Variants in ZNF440 observed in about 807,000 individuals in gnomAD.
ZNF440 encodes the protein zinc finger protein 440.
A neutral mutation model predicts 49.7 loss-of-function variants in ZNF440; 47 were observed. The observed-to-expected ratio is 0.95, with a 90% CI of 0.75 to 1.21. ZNF440 has a LOEUF of 1.21. ZNF440 is among the 50% of genes most tolerant of loss of function. The pLI, the probability that ZNF440 is intolerant of heterozygous loss-of-function variation, is 0.00. For synonymous variants in ZNF440, 255 were observed against 237.7 expected (o/e 1.07, Z -0.67); for missense variants, 703 against 715.0 (o/e 0.98, Z 0.19).
In ZNF440 at chr19:11,834,726, G is replaced by A. The variant is rs1309277325; in HGVS notation, c.*1762G>A. 1.3e-5 allele frequency: 2 copies of A among 152,344 alleles called. No homozygotes were observed. Among genetic ancestry groups the A allele is most frequent in the South Asian group, 2.1e-4 (1 of 4,832 alleles). 9.4% of individuals were successfully genotyped at this position (152,344 alleles called of 1,614,324 possible). On this transcript the variant is annotated 3_prime_UTR_variant, in exon 4 of 4. Coordinates refer to ENST00000304060, the MANE Select transcript of ZNF440 (RefSeq NM_152357.3). ...TGTCCTGATTCATCATGGTCACTGA[G>A]GAGCATCGTCTCATATGCCTGGTAT...
At chr19:11,827,120 G>C (rs1975876506) in intron 1 of ZNF440, among the ~76,000 whole-genome samples, 1 of 150,100 alleles carries the variant, frequency 6.7e-6, no homozygotes, top group Non-Finnish European at 1.5e-5. Flanking sequence ...CTGGAGGGCA[G>C]TGGCGTAATC....
Position 11,830,405 on chromosome 19 carries a change from T to C in ZNF440, c.126T>C (p.Ser42=), listed in dbSNP as rs1380567204. 1 of 1,614,076 alleles carries C rather than the reference T, an allele frequency of 6.2e-7. No homozygotes were observed. The highest frequency in any genetic ancestry group is 8.5e-7 in the Non-Finnish European group (1 of 1,179,990). ...TGGAAACTTTCAGGAACCTGACCTC[T>C]TTAGGTAAGGATGACAATATTCCTT... ...VMLETFRNLT[S]LGKRWKDQNI... The change falls in exon 2 of 4, where the codon TCT becomes TCC. Residue 42 remains serine, a synonymous_variant. Coordinates refer to ENST00000304060, the MANE Select transcript of ZNF440 (RefSeq NM_152357.3).
At chr19:11,827,093 TGG>T in intron 1 of ZNF440, among the ~76,000 whole-genome samples, 1 of 150,292 alleles carries the variant, frequency 6.7e-6, no homozygotes. Flanking sequence ...AGACTGAGTC[TGG>T]CTCTGTCACC....
intron 1 of ZNF440, among the ~76,000 whole-genome samples, chr19:11,822,573 C>A (rs1975812042): frequency 6.6e-6 from 1 of 152,134 alleles, no homozygotes; most frequent in African/African-American, 2.4e-5. Flanking sequence ...CCAGACTGGG[C>A]ACAGTGGCTC....
intron 1 of ZNF440, chr19:11,816,457 T>A (rs369370402): frequency 2.0e-5 from 3 of 151,702 alleles, no homozygotes; most frequent in African/African-American, 7.3e-5. Flanking sequence ...TCCAGTCAGA[T>A]AATGTCTGTT....
intron 1 of ZNF440, among the ~76,000 whole-genome samples, chr19:11,826,153 T>G (rs1975863422): frequency 6.6e-6 from 1 of 152,208 alleles, no homozygotes; most frequent in South Asian, 2.1e-4. Flanking sequence ...CATTCTATTG[T>G]ACGGATGTTA....
chr19:11,818,570 T>G (rs371926256), intron 1 of ZNF440, among the ~76,000 whole-genome samples: 3 of 151,806 alleles, frequency 2.0e-5, no homozygotes, highest in African/African-American at 2.4e-5. Context: ...ATTATTATTA[T>G]AGACAATATC....
chr19:11,833,234 C>T lies in ZNF440; in HGVS notation c.*270C>T. 1 of 911,142 alleles carries T rather than the reference C, an allele frequency of 1.1e-6. No homozygotes were observed. The highest frequency in any genetic ancestry group is 1.7e-6 in the Non-Finnish European group (1 of 598,988). The allele number at this position is 911,142 out of a possible 1,614,324, so 56.4% of individuals were successfully genotyped here. ...TAAAAGGACACACACTGGAGAGAAA[C>T]CCTGTGAATGTAAGAAATGTAGAAA... is the stretch of plus-strand genomic sequence containing the variant. On this transcript the variant is annotated 3_prime_UTR_variant, in exon 4 of 4. Transcript: ENST00000304060.
chr19:11,827,675 C>T (rs773425204), intron 1 of ZNF440: 1 of 152,142 alleles, frequency 6.6e-6, no homozygotes, highest in Non-Finnish European at 1.5e-5. Context: ...GTAAACGATT[C>T]ATTAGGAAGT....
At chr19:11,828,619 G>A (rs1975895030) in intron 1 of ZNF440, among the ~76,000 whole-genome samples, 1 of 151,728 alleles carries the variant, frequency 6.6e-6, no homozygotes, top group Non-Finnish European at 1.5e-5. Flanking sequence ...ATTGTATTTT[G>A]CTTTTTTCAA....
intron 1 of ZNF440, among the ~76,000 whole-genome samples, chr19:11,829,113 C>A (rs1171204391): frequency 6.6e-6 from 1 of 152,042 alleles, no homozygotes; most frequent in Non-Finnish European, 1.5e-5. Context: ...TCAGGAAGGT[C>A]GTATAGTGGT....
chr19:11,830,781 T>C, intron 3 of ZNF440, 104 bp downstream of exon 3: 1 of 1,401,544 alleles, frequency 7.1e-7, no homozygotes, highest in South Asian at 1.3e-5. Flanking sequence ...AGGATCAAAT[T>C]CATTTATTTT....
chr19:11,824,956 C>G (rs902350676), intron 1 of ZNF440, among the ~76,000 whole-genome samples: 6 of 151,898 alleles, frequency 4.0e-5, no homozygotes, highest in Non-Finnish European at 5.9e-5. Flanking sequence ...ATTCGCCCAC[C>G]TCAGCCTCCC....
At position 11,834,106 on chromosome 19, in the gene ZNF440, T is replaced by TA. The variant is rs1204661516; in HGVS notation, c.*1143dup. On this transcript the variant is annotated 3_prime_UTR_variant, in exon 4 of 4. Coordinates refer to ENST00000304060, the MANE Select transcript of ZNF440 (RefSeq NM_152357.3). The stretch of plus-strand genomic sequence containing the variant: ...TTTCATGCTTCTGTACTTACATTTT[T>TA]ATCTCAACCTTAATTTTTCTTTCTT... The TA allele has an allele frequency of 3.4e-6, 1 of 294,134 alleles. No homozygotes were observed. Among genetic ancestry groups the TA allele is most frequent in the Non-Finnish European group, 6.6e-6 (1 of 150,902 alleles). The allele number at this position is 294,134 out of a possible 1,614,324, so 18.2% of individuals were successfully genotyped here.
At chr19:11,820,169 T>A (rs1389560877) in intron 1 of ZNF440, among the ~76,000 whole-genome samples, 2 of 152,234 alleles carry the variant, frequency 1.3e-5, no homozygotes, top group African/African-American at 4.8e-5. Flanking sequence ...GAGGTTCCTT[T>A]GTGGAAACTT....
Position 11,832,553 on chromosome 19 carries a change from A to T in ZNF440, c.1377A>T (p.Lys459Asn), listed in dbSNP as rs370985876. ...TACACTCTGGAGAAAGACGTTATAAATGTAAGATATGTGGGAAAGGCTTTT... is the reference window on the plus strand; with the variant it reads ...TACACTCTGGAGAAAGACGTTATAATTGTAAGATATGTGGGAAAGGCTTTT... ...IRIHSGERRY[K>N]CKICGKGFYC... Residue 459 changes from lysine to asparagine, a missense_variant, in exon 4 of 4, where the codon AAA becomes AAT. Physicochemically the swap from Lys to Asn is moderately conservative, Grantham distance 94. Transcript: ENST00000304060. 1 of 1,614,014 alleles carries T rather than the reference A, an allele frequency of 6.2e-7. No homozygotes were observed. The highest frequency in any genetic ancestry group is 1.3e-5 in the African/African-American group (1 of 74,924).
rs946451895 is a variant in ZNF440 at position 11,835,215 on chromosome 19, A to T, written c.*2251A>T. On this transcript the variant is annotated 3_prime_UTR_variant, in exon 4 of 4. Coordinates refer to ENST00000304060, the MANE Select transcript of ZNF440 (RefSeq NM_152357.3). ...CCAGTCTCTACTAAAAAATACAAAAAATTAGTGAGGCGTGGTCTCAGGCTC... is the reference window on the plus strand; with the variant it reads ...CCAGTCTCTACTAAAAAATACAAAATATTAGTGAGGCGTGGTCTCAGGCTC... 3 of 152,020 alleles carry T rather than the reference A, an allele frequency of 2.0e-5. No individual in the cohort carries two copies. Among genetic ancestry groups the T allele is most frequent in the Non-Finnish European group, 4.4e-5 (3 of 68,058 alleles). The allele number at this position is 152,020 out of a possible 1,614,324, so 9.4% of individuals were successfully genotyped here.
intron 1 of ZNF440, among the ~76,000 whole-genome samples, chr19:11,825,286 T>G (rs1186322465): frequency 6.6e-6 from 1 of 152,238 alleles, no homozygotes; most frequent in African/African-American, 2.4e-5. Flanking sequence ...TGATGGAAAT[T>G]GAAGAAGCCA....
At chr19:11,826,012 T>C (rs1377728938) in intron 1 of ZNF440, among the ~76,000 whole-genome samples, 4 of 151,878 alleles carry the variant, frequency 2.6e-5, no homozygotes, top group African/African-American at 9.7e-5. Context: ...ACGGGGTTTC[T>C]CCATGTTGAG....
Sources: allele counts gnomAD v4.1 joint callset (sites outside exome capture counted in the v4.1 genomes callset), GRCh38; gene constraint gnomAD v4.1.1; transcripts MANE v1.5; gene names NCBI Gene and HGNC (gene_info 2026-07-23, HGNC 2026-07-21).